Variants in GRM5 observed in about 807,000 individuals in gnomAD.
GRM5 encodes the protein glutamate metabotropic receptor 5.
A neutral mutation model predicts 83.1 loss-of-function variants in GRM5; 19 were observed. The observed-to-expected ratio is 0.23, with a 90% confidence interval of 0.16 to 0.34. The LOEUF (loss-of-function observed/expected upper bound fraction) is 0.34. Among genes scored for constraint, GRM5 ranks in the 10% least tolerant of loss-of-function variants. GRM5 has a pLI of 1.00. For synonymous variants in GRM5, 675 were observed against 633.6 expected (o/e 1.07, Z -0.98); for missense variants, 1,160 against 1,588.3 (o/e 0.73, Z 4.58).
At chr11:88,612,188 A>G (rs1423713236) in intron 4 of GRM5, among the ~76,000 whole-genome samples, 44 of 144,344 alleles carry the variant, frequency 3.0e-4, no homozygotes, top group African/African-American at 1.1e-3. Context: ...TCTTTGTTCA[A>G]TTCCCACCTA....
rs375384737 is a variant in GRM5 at position 88,638,644 on chromosome 11, C to T, written c.1147+14524G>A. Among the ~76,000 whole-genome samples, 6 of 152,086 alleles carry T rather than the reference C, an allele frequency of 3.9e-5. No individual in the cohort carries two copies. In the East Asian group the frequency reaches 1.2e-3, roughly 29 times the overall value. On this transcript the variant is annotated intron_variant, in intron 4 of 9. Coordinates refer to ENST00000305447, the MANE Select transcript of GRM5 (RefSeq NM_001143831.3). ...GTTTTCTTTGTGGGAAAATTTTTAA[C>T]TATAAATTCAGTTTAACAAATATAG...
intron 3 of GRM5, among the ~76,000 whole-genome samples, chr11:88,728,624 A>G (rs946558557): frequency 6.6e-6 from 1 of 152,226 alleles, no homozygotes; most frequent in East Asian, 1.9e-4. Flanking sequence ...GAAAATCCTC[A>G]ATAAAATACT....
chr11:88,885,789 C>T (rs1270997906), intron 2 of GRM5, among the ~76,000 whole-genome samples: 1 of 152,114 alleles, frequency 6.6e-6, no homozygotes, highest in Non-Finnish European at 1.5e-5. Flanking sequence ...AGCCCCAAAT[C>T]ATTTACTAAC....
Position 88,920,041 on chromosome 11 carries a change from T to C in GRM5, c.662-69886A>G, listed in dbSNP as rs567553852. ...CTCAAACTTGGTAGAAAAAAAGAAA[T>C]AATCCACATCAGAGCAGAAGTAAAT... is the stretch of plus-strand genomic sequence containing the variant. On this transcript the variant is annotated intron_variant, in intron 2 of 9. Coordinates refer to ENST00000305447, the MANE Select transcript of GRM5 (RefSeq NM_001143831.3). Among the ~76,000 whole-genome samples, 189 of 151,526 alleles carry C rather than the reference T, an allele frequency of 1.2e-3. 1 individual carries two copies. The highest frequency in any genetic ancestry group is 4.4e-3 in the African/African-American group (184 of 41,352).
intron 2 of GRM5, among the ~76,000 whole-genome samples, chr11:88,988,675 T>A (rs901885449): frequency 1.6e-4 from 25 of 151,570 alleles, no homozygotes; most frequent in Non-Finnish European, 1.3e-4. Flanking sequence ...GCAGAAACCC[T>A]ACAAGCCAGA....
intron 3 of GRM5, among the ~76,000 whole-genome samples, chr11:88,711,714 A>T (rs1941284357): frequency 6.6e-6 from 1 of 152,148 alleles, no homozygotes; most frequent in African/African-American, 2.4e-5. Flanking sequence ...CATGTAAAAC[A>T]GTGTCTGACA....
In GRM5 at chr11:88,928,868, T is replaced by C. The variant is rs537704734; in HGVS notation, c.662-78713A>G. Among the ~76,000 whole-genome samples, 10 of 150,964 alleles carry C rather than the reference T, an allele frequency of 6.6e-5. No individual in the cohort carries two copies. In the South Asian group the frequency reaches 2.1e-3, roughly 32 times the overall value. On this transcript the variant is annotated intron_variant, in intron 2 of 9. Coordinates refer to ENST00000305447, the MANE Select transcript of GRM5 (RefSeq NM_001143831.3). Reference sequence around the variant, plus strand: ...GATAGTAAGAAATATGGATGAAATTTTTTTCCCTTATTGGTTTGTACCTAT... The same window carrying C: ...GATAGTAAGAAATATGGATGAAATTCTTTTCCCTTATTGGTTTGTACCTAT...
At chr11:88,996,560 G>A (rs1336664851) in intron 2 of GRM5, among the ~76,000 whole-genome samples, 2 of 152,134 alleles carry the variant, frequency 1.3e-5, no homozygotes, top group African/African-American at 4.8e-5. Context: ...AAGAAAAAGG[G>A]ACAAAACCAC....
In GRM5 at chr11:88,506,967, G is replaced by T. The variant is rs1354450154; in HGVS notation, c.*1625C>A. 1 of 152,012 alleles carries T rather than the reference G, an allele frequency of 6.6e-6. No individual in the cohort carries two copies. Among genetic ancestry groups the T allele is most frequent in the Admixed American group, 6.5e-5 (1 of 15,280 alleles). The allele number at this position is 152,012 out of a possible 1,614,324, so 9.4% of individuals were successfully genotyped here. A position where few individuals can be genotyped will look rare whatever the true frequency, so the allele number is the denominator to read the frequency against. On this transcript the variant is annotated 3_prime_UTR_variant, in exon 10 of 10. Coordinates refer to ENST00000305447, the MANE Select transcript of GRM5 (RefSeq NM_001143831.3). ...TTCATAAGGCTATCTTAAGTATAAG[G>T]CTGGGTCAACTGAACTTTAAATTTA...
chr11:88,545,272 C>A (rs1204093783), intron 8 of GRM5, among the ~76,000 whole-genome samples: 1 of 152,138 alleles, frequency 6.6e-6, no homozygotes, highest in Non-Finnish European at 1.5e-5. Context: ...CCCAAACTCT[C>A]CTAATTATTG....
At position 88,508,733 on chromosome 11, in the gene GRM5, C is replaced by T. The variant is rs758811838; in HGVS notation, c.3498G>A (p.Pro1166=). 3.8e-6 allele frequency: 6 copies of T among 1,580,738 alleles called. No individual in the cohort carries two copies. In the African/African-American group the frequency reaches 4.2e-5, roughly 11 times the overall value. The change falls in exon 10 of 10, where the codon CCG becomes CCA. Residue 1166 remains proline (P), a synonymous_variant. Coordinates refer to ENST00000305447, the MANE Select transcript of GRM5 (RefSeq NM_001143831.3). This position sits in a 1 kb window ranked among gnomAD's most constrained non-coding sequence, Gnocchi z 4.2. ...AGTCCACCGAGTCTCTGAAGGGGGACGGCGGGGTGAGAGCCACCAGCTCCT... is the reference window on the plus strand; with the variant it reads ...AGTCCACCGAGTCTCTGAAGGGGGATGGCGGGGTGAGAGCCACCAGCTCCT... ...DLEELVALTP[P]SPFRDSVDSG...
At chr11:88,565,043 T>G (rs1942844851) in intron 8 of GRM5, among the ~76,000 whole-genome samples, 1 of 151,276 alleles carries the variant, frequency 6.6e-6, no homozygotes, top group Non-Finnish European at 1.5e-5. Context: ...AAGGGCTTAC[T>G]ATGTGGCAGA....
chr11:88,662,952 A>C lies in GRM5; in HGVS notation c.912-9549T>G, dbSNP rs537282503. ...GACTACAGCCTGTCTGACCCTGAGC[A>C]GAGAACCCAGTTGCCATACCCAGAC... On this transcript the variant is annotated intron_variant, in intron 3 of 9. Transcript: ENST00000305447. Among the ~76,000 whole-genome samples the C allele has an allele frequency of 5.3e-5, 8 of 152,358 alleles. No individual in the cohort carries two copies. The East Asian group carries it at 1.5e-3, about 29-fold the overall frequency.
At chr11:88,997,250 C>T (rs997052585) in intron 2 of GRM5, among the ~76,000 whole-genome samples, 6 of 150,726 alleles carry the variant, frequency 4.0e-5, no homozygotes, top group African/African-American at 1.5e-4. Flanking sequence ...TCACTTGAAC[C>T]CAAGAGGCGG....
Position 88,608,129 on chromosome 11 carries a change from G to A in GRM5, c.1148-3165C>T, listed in dbSNP as rs185984208. Among the ~76,000 whole-genome samples the A allele has an allele frequency of 3.2e-3, 488 of 152,294 alleles. 2 individuals carry two copies. The highest frequency in any genetic ancestry group is 0.02 in the Middle Eastern group (6 of 294). On this transcript the variant is annotated intron_variant, in intron 4 of 9. Transcript: ENST00000305447. ...CTAGGCAGATTTCTGAGCCTTGGGG[G>A]AGCAGCTCACAATGAGTCCTAGGCT...
chr11:88,797,192 C>T (rs867791409), intron 3 of GRM5, among the ~76,000 whole-genome samples: 5 of 152,040 alleles, frequency 3.3e-5, no homozygotes, highest in African/African-American at 1.2e-4. Flanking sequence ...CTCTGTCACC[C>T]AGGCTGGAGT....
intron 2 of GRM5, among the ~76,000 whole-genome samples, chr11:88,920,559 T>C (rs1038042085): frequency 2.0e-5 from 3 of 152,024 alleles, no homozygotes; most frequent in Non-Finnish European, 2.9e-5. Flanking sequence ...TCCAAACTCA[T>C]TGGAAGTACT....
At position 88,626,364 on chromosome 11, in the gene GRM5, T is replaced by C. The variant is rs552447622; in HGVS notation, c.1148-21400A>G. Reference sequence around the variant, plus strand: ...TAAAACAGTCTAATCGGAAACCTTCTGGCAATAAGAGTTTGCACTTAGTTT... The same window carrying C: ...TAAAACAGTCTAATCGGAAACCTTCCGGCAATAAGAGTTTGCACTTAGTTT... On this transcript the variant is annotated intron_variant, in intron 4 of 9. Transcript: ENST00000305447. Among the ~76,000 whole-genome samples, 5 of 152,278 alleles carry C rather than the reference T, an allele frequency of 3.3e-5. No individual in the cohort carries two copies. In the South Asian group the frequency reaches 6.2e-4, roughly 19 times the overall value.
At chr11:88,555,920 G>A (rs528602226) in intron 8 of GRM5, among the ~76,000 whole-genome samples, 9 of 152,238 alleles carry the variant, frequency 5.9e-5, no homozygotes, top group Non-Finnish European at 1.0e-4. Flanking sequence ...TCTGGGCCAA[G>A]TTAAAACTCA....
Sources: allele counts gnomAD v4.1 joint callset (sites outside exome capture counted in the v4.1 genomes callset), GRCh38; gene constraint gnomAD v4.1.1; non-coding constraint Gnocchi (gnomAD v3.1); transcripts MANE v1.5; gene names NCBI Gene and HGNC (gene_info 2026-07-23, HGNC 2026-07-21).